SKI: variants seen among roughly 807,000 people sequenced by gnomAD.
The protein encoded by SKI is ski oncogene.
A neutral mutation model predicts 59.3 loss-of-function variants in SKI; 23 were observed. The observed-to-expected ratio is 0.39, with a 90% CI of 0.28 to 0.55. SKI has a LOEUF of 0.55. SKI is among the 20% of genes least tolerant of loss of function. SKI has a pLI of 0.67. For synonymous variants in SKI, 673 were observed against 488.6 expected (o/e 1.38, Z -4.98); for missense variants, 1,017 against 1,038.9 (o/e 0.98, Z 0.29).
intron 1 of SKI, among the ~76,000 whole-genome samples, chr1:2,241,208 A>G (rs1215872880): frequency 6.6e-6 from 1 of 152,318 alleles, no homozygotes; most frequent in South Asian, 2.1e-4. Context: ...TTTTACTGTC[A>G]TTATGAACTT....
At chr1:2,249,724 A>G (rs760043300) in intron 1 of SKI, among the ~76,000 whole-genome samples, 1 of 152,148 alleles carries the variant, frequency 6.6e-6, no homozygotes, top group Non-Finnish European at 1.5e-5. Flanking sequence ...CCGCGGCCTC[A>G]TGGGGCCTCC....
chr1:2,303,835 T>G lies in SKI; in HGVS notation c.1212-5T>G. The G allele has an allele frequency of 6.2e-7, 1 of 1,612,320 alleles. No homozygotes were observed. Among genetic ancestry groups the G allele is most frequent in the East Asian group, 2.2e-5 (1 of 44,870 alleles). On this transcript the variant is annotated splice_region_variant and splice_polypyrimidine_tract_variant and intron_variant, in intron 3 of 6. Transcript: ENST00000378536. This position sits in a 1 kb window ranked among gnomAD's most constrained non-coding sequence, Gnocchi z 5.6. ...CACCTTCCCGACACCCGCCTGCCCC[T>G]CCAGCTTCTACTCCTACAAGAGCTT...
At chr1:2,289,212 C>T (rs1232013816) in intron 1 of SKI, among the ~76,000 whole-genome samples, 1 of 152,212 alleles carries the variant, frequency 6.6e-6, no homozygotes, top group South Asian at 2.1e-4. Flanking sequence ...TGTTGAGCCT[C>T]TCTAGGCAGG....
intron 6 of SKI, 53 bp from the exon 7 acceptor site, chr1:2,306,524 G>C: frequency 6.6e-7 from 1 of 1,512,166 alleles, no homozygotes; most frequent in East Asian, 2.5e-5. Context: ...AAGCAGCGTC[G>C]GGCCGGGGCA....
chr1:2,255,645 C>T (rs1020056323), intron 1 of SKI, among the ~76,000 whole-genome samples: 1 of 151,478 alleles, frequency 6.6e-6, no homozygotes, highest in Non-Finnish European at 1.5e-5. Context: ...CTGTCTGGAG[C>T]TCTCTCTGTC....
At chr1:2,300,342 G>A (rs1407780449) in intron 1 of SKI, among the ~76,000 whole-genome samples, 2 of 152,166 alleles carry the variant, frequency 1.3e-5, no homozygotes, top group Non-Finnish European at 2.9e-5. Context: ...CAGGTCCAGA[G>A]CCGTGCTCCT....
intron 1 of SKI, among the ~76,000 whole-genome samples, chr1:2,256,656 G>A (rs1035591623): frequency 2.0e-5 from 3 of 152,252 alleles, no homozygotes; most frequent in African/African-American, 7.2e-5. Flanking sequence ...CTGGGCACCC[G>A]TGTATGGAGG....
Position 2,306,773 on chromosome 1 carries a change from GCCTGC to G in SKI, c.*10_*14del, listed in dbSNP as rs1640598714. On this transcript the variant is annotated 3_prime_UTR_variant, in exon 7 of 7. Transcript: ENST00000378536. ...GCGGAGCTGGAGCCGTAGATTCCGT[GCCTGC>G]CGCCGCAGCGCCGCCGACAACGCGG... 1 of 1,498,416 alleles carries G rather than the reference GCCTGC, an allele frequency of 6.7e-7. No individual in the cohort carries two copies. Among genetic ancestry groups the G allele is most frequent in the African/African-American group, 1.5e-5 (1 of 68,576 alleles). 92.8% of individuals were successfully genotyped at this position (1,498,416 alleles called of 1,614,324 possible). A position where few individuals can be genotyped will look rare whatever the true frequency, so the allele number is the denominator to read the frequency against.
chr1:2,293,087 A>G (rs888119720), intron 1 of SKI, among the ~76,000 whole-genome samples: 5 of 152,156 alleles, frequency 3.3e-5, no homozygotes, highest in Admixed American at 6.5e-5. Flanking sequence ...AAATTTGTCA[A>G]TAAACCTGAA....
chr1:2,263,599 G>A (rs985481381), intron 1 of SKI, among the ~76,000 whole-genome samples: 5 of 151,656 alleles, frequency 3.3e-5, no homozygotes, highest in African/African-American at 1.2e-4. Context: ...TCTTCTTCCC[G>A]TGTATCTTTG....
rs1039459600 is a variant in SKI, at chr1:2,270,939, C to A, written c.970-32039C>A. On this transcript the variant is annotated intron_variant, in intron 1 of 6. Transcript: ENST00000378536. This position sits in a 1 kb window ranked among gnomAD's most constrained non-coding sequence, Gnocchi z 4.1. ...CAGCTGCCCATGTCACCAGGCCAGG[C>A]GCTTTCCCTGTGAATGAGCCGATGG... Among the ~76,000 whole-genome samples, 1 of 152,226 alleles carries A rather than the reference C, an allele frequency of 6.6e-6. No individual in the cohort carries two copies. The highest frequency in any genetic ancestry group is 1.5e-5 in the Non-Finnish European group (1 of 68,042).
intron 1 of SKI, among the ~76,000 whole-genome samples, chr1:2,283,545 G>A (rs571833338): frequency 2.0e-5 from 3 of 152,368 alleles, no homozygotes; most frequent in Non-Finnish European, 2.9e-5. Context: ...TTTGGTGGCC[G>A]CTTCCCCTGC....
intron 1 of SKI, among the ~76,000 whole-genome samples, chr1:2,282,461 ACGCC>A (rs1639912846): frequency 1.8e-5 from 2 of 111,954 alleles, no homozygotes; most frequent in East Asian, 2.9e-4. Context: ...CAGAGAGAGG[ACGCC>A]TGAGAAGACA....
chr1:2,285,203 T>C (rs1338602272), intron 1 of SKI, among the ~76,000 whole-genome samples: 1 of 151,994 alleles, frequency 6.6e-6, no homozygotes, highest in Non-Finnish European at 1.5e-5. Flanking sequence ...ATTTGGAAGG[T>C]GTTAACAAAT....
In SKI at chr1:2,303,307, G is replaced by A. The variant is rs768924434; in HGVS notation, c.1118G>A (p.Arg373His). Reference sequence around the variant, plus strand: ...CAGAGCCTGGGCTGTGTTCACCCTCGCCAGCGCCTCTCTGCTTTCCGACCC... The same window carrying A: ...CAGAGCCTGGGCTGTGTTCACCCTCACCAGCGCCTCTCTGCTTTCCGACCC... Reference protein sequence around the residue: ...SNKSLGCVHPRQRLSAFRPWS... With the variant: ...SNKSLGCVHPHQRLSAFRPWS... Residue 373 changes from arginine to histidine, a missense_variant, in exon 3 of 7, where the codon CGC becomes CAC. Physicochemically the swap from Arg to His is conservative, Grantham distance 29 (BLOSUM62 0). Coordinates refer to ENST00000378536, the MANE Select transcript of SKI (RefSeq NM_003036.4). The surrounding 1 kb of genome is among the most constrained non-coding windows in gnomAD (Gnocchi z 5.6). 8 of 1,613,576 alleles carry A rather than the reference G, an allele frequency of 5.0e-6. No individual in the cohort carries two copies. The highest frequency in any genetic ancestry group is 4.0e-5 in the African/African-American group (3 of 74,912).
chr1:2,243,965 T>C (rs1638933925), intron 1 of SKI, among the ~76,000 whole-genome samples: 1 of 152,018 alleles, frequency 6.6e-6, no homozygotes, highest in South Asian at 2.1e-4. Flanking sequence ...CTTTTCTTTC[T>C]TTCTTTCTTT....
rs912248246 is a variant in SKI, at chr1:2,306,978, A to G, written c.*213A>G. 7 of 317,118 alleles carry G rather than the reference A, an allele frequency of 2.2e-5. No homozygotes were observed. The highest frequency in any genetic ancestry group is 1.0e-4 in the Admixed American group (2 of 19,286). The allele number at this position is 317,118 out of a possible 1,614,324, so 19.6% of individuals were successfully genotyped here. On this transcript the variant is annotated 3_prime_UTR_variant, in exon 7 of 7. Coordinates refer to ENST00000378536, the MANE Select transcript of SKI (RefSeq NM_003036.4). ...TCAAGTGAGTAAGCCGCGTCCCCCA[A>G]CTACAGCTGGAGACGGGGCCAGCTC...
chr1:2,304,094 G>A lies in SKI; in HGVS notation c.1466G>A (p.Arg489Lys), dbSNP rs530007354. 16 of 1,612,560 alleles carry A rather than the reference G, an allele frequency of 9.9e-6. No individual in the cohort carries two copies. In the Admixed American group the frequency reaches 1.5e-4, roughly 15 times the overall value. ...DSEAEVEVESREEFTSSLSSL... is the reference protein window; with the variant it reads ...DSEAEVEVESKEEFTSSLSSL... The stretch of plus-strand genomic sequence containing the variant: ...GAGGCGGAGGTGGAAGTTGAAAGCA[G>A]GGAGGAATGTACGTGTGAGTCGCTT... The change falls in exon 4 of 7, where the codon AGG (arginine) becomes AAG (lysine). Residue 489 changes from arginine (R) to lysine (K), a missense_variant. Arg to Lys is a conservative substitution (Grantham distance 26, BLOSUM62 2). Coordinates refer to ENST00000378536, the MANE Select transcript of SKI (RefSeq NM_003036.4).
At position 2,270,537 on chromosome 1, in the gene SKI, A is replaced by G. The variant is rs1449122126; in HGVS notation, c.970-32441A>G. On this transcript the variant is annotated intron_variant, in intron 1 of 6. Transcript: ENST00000378536. The surrounding 1 kb of genome is among the most constrained non-coding windows in gnomAD (Gnocchi z 4.1). The stretch of plus-strand genomic sequence containing the variant: ...GCCATCTGGCGATTGTAAAACGGGC[A>G]GTGTGCAGTGTTGAGGGGGCGCTGG... Among the ~76,000 whole-genome samples, 2 of 152,172 alleles carry G rather than the reference A, an allele frequency of 1.3e-5. No individual in the cohort carries two copies. The highest frequency in any genetic ancestry group is 4.8e-5 in the African/African-American group (2 of 41,436).
Sources: allele counts gnomAD v4.1 joint callset (sites outside exome capture counted in the v4.1 genomes callset), GRCh38; gene constraint gnomAD v4.1.1; non-coding constraint Gnocchi (gnomAD v3.1); transcripts MANE v1.5; gene names NCBI Gene and HGNC (gene_info 2026-07-23, HGNC 2026-07-21).